ADH5: variants seen among roughly 807,000 people sequenced by gnomAD.
The protein encoded by ADH5 is alcohol dehydrogenase class-3.
ADH5 carries 32 observed loss-of-function variants against 40.3 expected under a neutral mutation model. The ratio of observed to expected loss-of-function variants is 0.79; its 90% CI spans 0.60 to 1.07. The LOEUF (loss-of-function observed/expected upper bound fraction) is 1.07, where lower values mean the gene tolerates loss of function less well. ADH5 is among the 50% of genes least tolerant of loss of function. The pLI, the probability that ADH5 is intolerant of heterozygous loss-of-function variation, is 0.00. For missense variants in ADH5, 353 were observed against 460.5 expected, an observed-to-expected ratio of 0.77 and a Z score of 2.14; for synonymous variants, 125 against 154.3, an observed-to-expected ratio of 0.81 and a Z score of 1.41.
intron 2 of ADH5, among the ~76,000 whole-genome samples, chr4:99,084,608 G>A (rs958647968): frequency 2.6e-5 from 4 of 152,138 alleles, no homozygotes; most frequent in Non-Finnish European, 5.9e-5. Flanking sequence ...AGCCCATACT[G>A]CTGCTCTGTC....
chr4:99,076,973 C>T (rs1362015227), intron 4 of ADH5, 50 bp from the exon 5 acceptor site: 1 of 1,316,766 alleles, frequency 7.6e-7, no homozygotes, highest in Admixed American at 2.4e-5. Context: ...TTTCTTAAAA[C>T]CCACAGGAAA....
At chr4:99,088,607 C>A in intron 1 of ADH5, 82 bp downstream of exon 1, 2 of 1,390,680 alleles carry the variant, frequency 1.4e-6, no homozygotes, top group Non-Finnish European at 9.6e-7. Flanking sequence ...CCGAGCCTCG[C>A]GCGCCCCCGA....
chr4:99,072,356 C>T lies in ADH5; in HGVS notation c.*61G>A, dbSNP rs1579359570. ...GCTGTGAGGTTGGAGGCGCTTCTCC[C>T]TGCCTGTTAAGCTGCTCCTATCACA... On this transcript the variant is annotated 3_prime_UTR_variant, in exon 9 of 9. Coordinates refer to ENST00000296412, the MANE Select transcript of ADH5 (RefSeq NM_000671.4). The T allele has an allele frequency of 6.4e-7, 1 of 1,561,514 alleles. No individual in the cohort carries two copies. Among genetic ancestry groups the T allele is most frequent in the East Asian group, 2.2e-5 (1 of 44,578 alleles).
At chr4:99,075,083 G>T in intron 6 of ADH5, 34 bp from the exon 7 acceptor site, 1 of 1,495,006 alleles carries the variant, frequency 6.7e-7, no homozygotes. Context: ...AATCACAGAA[G>T]TCAGTGCATT....
intron 5 of ADH5, 32 bp from the exon 6 acceptor site, chr4:99,076,584 T>C (rs1404123115): frequency 6.2e-7 from 1 of 1,603,452 alleles, no homozygotes; most frequent in African/African-American, 1.3e-5. Flanking sequence ...AAAGTACTCA[T>C]TCTACCAGAG....
chr4:99,088,631 G>A, intron 1 of ADH5, 58 bp downstream of exon 1: 3 of 1,565,740 alleles, frequency 1.9e-6, no homozygotes, highest in Non-Finnish European at 1.7e-6. Context: ...TAGCAGCCTA[G>A]TCCCATGCCA....
intron 4 of ADH5, among the ~76,000 whole-genome samples, chr4:99,080,251 T>C (rs1728003176): frequency 6.6e-6 from 1 of 152,156 alleles, no homozygotes; most frequent in Admixed American, 6.5e-5. Flanking sequence ...ACCTCAACTC[T>C]TCAAAAGCAG....
rs1415652179 is a variant in ADH5 at position 99,081,350 on chromosome 4, T to C, written c.344+15A>G. 4 of 1,516,034 alleles carry C rather than the reference T, an allele frequency of 2.6e-6. No homozygotes were observed. Among genetic ancestry groups the C allele is most frequent in the Non-Finnish European group, 3.6e-6 (4 of 1,103,024 alleles). The allele number at this position is 1,516,034 out of a possible 1,614,324, so 93.9% of individuals were successfully genotyped here. On this transcript the variant is annotated intron_variant, in intron 4 of 8. Coordinates refer to ENST00000296412, the MANE Select transcript of ADH5 (RefSeq NM_000671.4). Reference sequence around the variant, plus strand: ...CAGCACTTGTGTTTTAAGAAGAACATAAAAAGATACTAACCTTATCTTCTG... The same window carrying C: ...CAGCACTTGTGTTTTAAGAAGAACACAAAAAGATACTAACCTTATCTTCTG...
intron 7 of ADH5, among the ~76,000 whole-genome samples, chr4:99,073,178 A>AGTTT (rs28730639): frequency 0.85 from 128,410 of 151,952 alleles, 54,476 homozygotes; most frequent in East Asian, 1. Flanking sequence ...CTAAATGCTA[A>AGTTT]GTTTGTTCGT....
chr4:99,075,103 A>C (rs570631002), intron 6 of ADH5, 54 bp from the exon 7 acceptor site: 1 of 1,169,076 alleles, frequency 8.6e-7, no homozygotes, highest in South Asian at 1.9e-5. Flanking sequence ...TTTCCTGAGA[A>C]CAACTGCTGG....
At chr4:99,082,182 A>G (rs28730595) in intron 2 of ADH5, 66 bp from the exon 3 acceptor site, 138,179 of 1,498,658 alleles carry the variant, frequency 0.092, 7,123 homozygotes, top group Non-Finnish European at 0.1. Context: ...TACAGATACA[A>G]GAAAAGTCAT....
In ADH5 at chr4:99,088,706, C is replaced by A; in HGVS notation, c.-6G>T. On this transcript the variant is annotated 5_prime_UTR_variant, in exon 1 of 9. Coordinates refer to ENST00000296412, the MANE Select transcript of ADH5 (RefSeq NM_000671.4). ...GGCCCTACCTCGTTCGCCATGTTCA[C>A]GGATTCTGGTCGGCGCGGGGGGCTG... 1 of 1,569,846 alleles carries A rather than the reference C, an allele frequency of 6.4e-7. No individual in the cohort carries two copies. Among genetic ancestry groups the A allele is most frequent in the African/African-American group, 1.4e-5 (1 of 72,746 alleles).
intron 7 of ADH5, among the ~76,000 whole-genome samples, chr4:99,073,867 A>G (rs986952830): frequency 4.6e-5 from 7 of 152,230 alleles, no homozygotes; most frequent in African/African-American, 1.7e-4. Flanking sequence ...CCAGGCTTAG[A>G]ATGCCCTTTA....
intron 1 of ADH5, among the ~76,000 whole-genome samples, chr4:99,085,966 G>A (rs1230021983): frequency 2.0e-5 from 3 of 152,140 alleles, no homozygotes; most frequent in Non-Finnish European, 2.9e-5. Flanking sequence ...GAACCCGGGA[G>A]GTGGAGGTTG....
rs1051278490 is a variant in ADH5, at chr4:99,076,403, A to G, written c.714T>C (p.Thr238=). The change falls in exon 6 of 9, where the codon ACT becomes ACC. Residue 238 remains threonine (T), a synonymous_variant. Transcript: ENST00000296412. ...KFARAKEFGA[T]ECINPQDFSK... ...TAAAATCCTGAGGGTTAATACATTCAGTGGCTCCAAACTCTTTGGCCCTTG... is the reference window on the plus strand; with the variant it reads ...TAAAATCCTGAGGGTTAATACATTCGGTGGCTCCAAACTCTTTGGCCCTTG... 1.2e-6 allele frequency: 2 copies of G among 1,614,216 alleles called. No individual in the cohort carries two copies. The highest frequency in any genetic ancestry group is 4.5e-5 in the East Asian group (2 of 44,880).
At chr4:99,080,804 C>A in intron 4 of ADH5, 1 of 158,496 alleles carries the variant, frequency 6.3e-6, no homozygotes, top group Non-Finnish European at 1.4e-5. Context: ...ACATAAACTG[C>A]CACACAATTA....
At chr4:99,073,685 TA>T (rs1037014514) in intron 7 of ADH5, among the ~76,000 whole-genome samples, 1 of 152,212 alleles carries the variant, frequency 6.6e-6, no homozygotes, top group Admixed American at 6.5e-5. Context: ...CTTTCTCCTT[TA>T]AATGTCCTGG....
chr4:99,083,638 G>A (rs962665431), intron 2 of ADH5, among the ~76,000 whole-genome samples: 1 of 147,426 alleles, frequency 6.8e-6, no homozygotes, highest in Non-Finnish European at 1.5e-5. Context: ...ATAAAAAGAC[G>A]TTATTTGGTC....
chr4:99,082,841 T>A (rs1728052911), intron 2 of ADH5, among the ~76,000 whole-genome samples: 1 of 152,138 alleles, frequency 6.6e-6, no homozygotes, highest in Admixed American at 6.5e-5. Flanking sequence ...CAGGCCTGGC[T>A]AATTTTTTAT....
Sources: allele counts gnomAD v4.1 joint callset (sites outside exome capture counted in the v4.1 genomes callset), GRCh38; gene constraint gnomAD v4.1.1; transcripts MANE v1.5; gene names NCBI Gene and HGNC (gene_info 2026-07-23, HGNC 2026-07-21).